The following GNE variants were observed in gnomAD, a reference collection of about 807,000 sequenced individuals.
GNE encodes the protein glucosamine (UDP-N-acetyl)-2-epimerase/N-acetylmannosamine kinase, also known as bifunctional UDP-N-acetylglucosamine 2-epimerase/N-acetylmannosamine kinase.
A neutral mutation model predicts 61.8 loss-of-function variants in GNE; 41 were observed. The observed-to-expected ratio is 0.66, with a 90% CI of 0.52 to 0.86. GNE has a LOEUF of 0.86. Ranked by LOEUF, GNE falls within the 40% of genes least tolerant of loss-of-function variation. The probability of loss-of-function intolerance (pLI) is 0.00; values close to 1 mark genes in which losing one functional copy is unlikely to be tolerated. For synonymous variants in GNE, 264 were observed against 326.4 expected, an observed-to-expected ratio of 0.81 and a Z score of 2.06; for missense variants, 608 against 909.1, an observed-to-expected ratio of 0.67 and a Z score of 4.26.
intron 1 of GNE, among the ~76,000 whole-genome samples, chr9:36,272,106 A>G (rs78913465): frequency 2.2e-3 from 334 of 152,322 alleles, no homozygotes; most frequent in African/African-American, 7.3e-3. Context: ...AGTCAAGCAT[A>G]AAACAGCATG....
Position 36,222,878 on chromosome 9 carries a change from G to A in GNE, c.1532C>T (p.Pro511Leu), listed in dbSNP as rs1414079876. The change falls in exon 9 of 12, where the codon CCT becomes CTT. Residue 511 changes from proline (P) to leucine (L), a missense_variant. Pro to Leu is a moderately conservative substitution (Grantham distance 98). Transcript: ENST00000642385. ...GTTGCCATCATTGTCTACCCACACAGGGAGATGCAAAGTGTCAGAAAGGGG... is the reference window on the plus strand; with the variant it reads ...GTTGCCATCATTGTCTACCCACACAAGGAGATGCAAAGTGTCAGAAAGGGG... ...RTPLSDTLHL[P>L]VWVDNDGNCA... The A allele has an allele frequency of 1.2e-6, 2 of 1,613,994 alleles. No homozygotes were observed. The highest frequency in any genetic ancestry group is 1.7e-6 in the Non-Finnish European group (2 of 1,179,994).
At chr9:36,260,901 C>A (rs1009746995), upstream of GNE, among the ~76,000 whole-genome samples, 12 of 115,118 alleles carry the variant, frequency 1.0e-4, no homozygotes, top group East Asian at 6.0e-4. Context: ...AAAAAAAAAA[C>A]CCACAAATGT....
chr9:36,223,085 T>A, intron 8 of GNE, 87 bp from the exon 9 acceptor site: 1 of 1,237,750 alleles, frequency 8.1e-7, no homozygotes, highest in Non-Finnish European at 1.2e-6. Context: ...GAACACAGAT[T>A]CATTCACCCC....
intron 1 of GNE, among the ~76,000 whole-genome samples, chr9:36,271,050 T>C (rs1051805277): frequency 2.6e-5 from 4 of 152,162 alleles, no homozygotes; most frequent in Non-Finnish European, 5.9e-5. Flanking sequence ...TAAGAAAAAC[T>C]TCAGTGGTCC....
intron 7 of GNE, among the ~76,000 whole-genome samples, chr9:36,224,083 C>T (rs1008998789): frequency 3.3e-5 from 5 of 151,566 alleles, no homozygotes; most frequent in East Asian, 2.0e-4. Context: ...GTTCAATGTT[C>T]GCTAATTTGA....
intron 9 of GNE, among the ~76,000 whole-genome samples, chr9:36,220,934 T>C (rs1298688496): frequency 3.3e-5 from 5 of 152,236 alleles, no homozygotes; most frequent in African/African-American, 9.6e-5. Flanking sequence ...AGCCCTCTGA[T>C]TTACAGCTTA....
At chr9:36,236,786 A>C (rs1289473819) in intron 4 of GNE, 46 bp downstream of exon 4, 2 of 1,567,058 alleles carry the variant, frequency 1.3e-6, no homozygotes, top group African/African-American at 2.7e-5. Flanking sequence ...AGAAACATAA[A>C]ATTGGGAAAA....
chr9:36,252,336 G>GT (rs1278597941), intron 1 of GNE, among the ~76,000 whole-genome samples: 18 of 152,110 alleles, frequency 1.2e-4, no homozygotes, highest in Non-Finnish European at 1.6e-4. Context: ...AATGGTTGTC[G>GT]TAAGTGTTCT....
At chr9:36,266,288 G>T (rs1316468964) in intron 1 of GNE, among the ~76,000 whole-genome samples, 1 of 152,246 alleles carries the variant, frequency 6.6e-6, no homozygotes. Context: ...TGGCCCAGGG[G>T]TTGGGGACCC....
chr9:36,231,066 T>TAAAAAAAAAAAAAAAAAAA (rs529903965), intron 5 of GNE, among the ~76,000 whole-genome samples: 1 of 68,378 alleles, frequency 1.5e-5, no homozygotes, highest in African/African-American at 4.6e-5. Flanking sequence ...ACTGCTTCAC[T>TAAAAAAAAAAAAAAAAAAA]AAAAAAAAAA....
Position 36,217,411 on chromosome 9 carries a change from C to T in GNE, c.2123G>A (p.Gly708Asp). 1 of 1,613,890 alleles carries T rather than the reference C, an allele frequency of 6.2e-7. No homozygotes were observed. The highest frequency in any genetic ancestry group is 8.5e-7 in the Non-Finnish European group (1 of 1,179,784). Residue 708 changes from glycine (G) to aspartate (D), a missense_variant, in exon 12 of 12, where the codon GGT (glycine) becomes GAT (aspartate). Coordinates refer to ENST00000642385, the MANE Select transcript of GNE (RefSeq NM_005476.7). ...GTAGTCCAGAACCATGCTGGCAGCACCCAGCAGGGCGGGGTCAACCAAATC... is the reference window on the plus strand; with the variant it reads ...GTAGTCCAGAACCATGCTGGCAGCATCCAGCAGGGCGGGGTCAACCAAATC... ...VSDLVDPALL[G>D]AASMVLDYTT...
At chr9:36,256,239 CTTTTTTTTTTTT>C (rs34215482) in intron 1 of GNE, among the ~76,000 whole-genome samples, 5 of 55,982 alleles carry the variant, frequency 8.9e-5, no homozygotes, top group South Asian at 1.2e-3. Flanking sequence ...AAACCCAATT[CTTTTTTTTTTTT>C]TTTTTTTTTT....
intron 1 of GNE, among the ~76,000 whole-genome samples, chr9:36,266,857 C>A (rs1001113401): frequency 6.6e-6 from 1 of 151,534 alleles, no homozygotes; most frequent in African/African-American, 2.4e-5. Context: ...TGCAGTGAGC[C>A]GAGATGGCGC....
intron 2 of GNE, among the ~76,000 whole-genome samples, chr9:36,248,026 CAAAAA>C (rs34605685): frequency 1.2e-5 from 1 of 80,856 alleles, no homozygotes; most frequent in Admixed American, 1.5e-4. Context: ...AACTCCGTCT[CAAAAA>C]AAAAAAAAAA....
intron 3 of GNE, among the ~76,000 whole-genome samples, chr9:36,245,093 C>CGTGGTGAAATTAAAA (rs1829814492): frequency 6.6e-6 from 1 of 151,238 alleles, no homozygotes; most frequent in African/African-American, 2.4e-5. Context: ...GCCTGGCCAA[C>CGTGGTGAAATTAAAA]ATGGAAAAAC....
upstream of GNE, among the ~76,000 whole-genome samples, chr9:36,260,003 T>C (rs933701327): frequency 1.3e-5 from 2 of 151,946 alleles, no homozygotes; most frequent in South Asian, 4.1e-4. Context: ...CTGTGGAGAA[T>C]GGATTGGTAG....
At chr9:36,246,955 G>A (rs1324280205) in intron 2 of GNE, among the ~76,000 whole-genome samples, 1 of 151,906 alleles carries the variant, frequency 6.6e-6, no homozygotes. Flanking sequence ...ACGCGTGAGC[G>A]ACTGCACCCG....
rs769506627 is a variant in GNE at position 36,276,948 on chromosome 9, G to A, written c.-4C>T. 3.5e-5 allele frequency: 57 copies of A among 1,612,854 alleles called. No individual in the cohort carries two copies. Among genetic ancestry groups the A allele is most frequent in the Non-Finnish European group, 4.6e-5 (54 of 1,179,284 alleles). ...GCAGATAACCATAGGTTTCCATCCCGAAGCACGAGCTCTGTACCCTAGTGT... is the reference window on the plus strand; with the variant it reads ...GCAGATAACCATAGGTTTCCATCCCAAAGCACGAGCTCTGTACCCTAGTGT... On this transcript the variant is annotated 5_prime_UTR_variant, in exon 1 of 12. Transcript: ENST00000396594.
chr9:36,259,214 C>G (rs571567762), upstream of GNE, among the ~76,000 whole-genome samples: 1 of 152,212 alleles, frequency 6.6e-6, no homozygotes, highest in Non-Finnish European at 1.5e-5. Context: ...GCCACCGAAT[C>G]AGGCTTTAAG....
Sources: gnomAD v4.1 joint callset for allele counts (sites outside exome capture counted in the v4.1 genomes callset) on GRCh38, gnomAD v4.1.1 for gene constraint, MANE v1.5 for transcripts, NCBI Gene and HGNC (gene_info 2026-07-23, HGNC 2026-07-21) for gene names.